Variants in KHDRBS2 observed in about 807,000 individuals in gnomAD.
The protein encoded by KHDRBS2 is KH domain-containing, RNA-binding, signal transduction-associated protein 2.
In KHDRBS2, 26 loss-of-function variants were observed where a neutral mutation model predicts 44.3. The observed-to-expected ratio is 0.59, with a 90% CI of 0.43 to 0.81. The LOEUF (loss-of-function observed/expected upper bound fraction) is 0.81, where lower values mean the gene tolerates loss of function less well. Ranked by LOEUF, KHDRBS2 falls within the 40% of genes least tolerant of loss-of-function variation. The pLI is 0.00. For missense variants in KHDRBS2, 476 were observed against 433.1 expected, an observed-to-expected ratio of 1.10 and a Z score of -0.88; for synonymous variants, 194 against 151.1, an observed-to-expected ratio of 1.28 and a Z score of -2.08.
chr6:62,035,359 G>C (rs1384849435), intron 3 of KHDRBS2, among the ~76,000 whole-genome samples: 1 of 151,992 alleles, frequency 6.6e-6, no homozygotes, highest in African/African-American at 2.4e-5. Flanking sequence ...GATGGAAATT[G>C]AGGTGATTAT....
chr6:62,224,666 CAG>C (rs1831467825), intron 1 of KHDRBS2, among the ~76,000 whole-genome samples: 1 of 152,148 alleles, frequency 6.6e-6, no homozygotes, highest in African/African-American at 2.4e-5. Flanking sequence ...AAAAAGGTAT[CAG>C]TCCAATCTAT....
chr6:62,039,073 A>G (rs1246646856), intron 3 of KHDRBS2, among the ~76,000 whole-genome samples: 1 of 152,058 alleles, frequency 6.6e-6, no homozygotes, highest in Non-Finnish European at 1.5e-5. Context: ...GCAAAGATAG[A>G]ATCCAGTATA....
At chr6:62,089,421 A>G (rs1252903381) in intron 2 of KHDRBS2, among the ~76,000 whole-genome samples, 1 of 152,130 alleles carries the variant, frequency 6.6e-6, no homozygotes, top group Admixed American at 6.5e-5. Flanking sequence ...AAAGTGTAGT[A>G]TCTGGGCAGG....
intron 3 of KHDRBS2, among the ~76,000 whole-genome samples, chr6:62,017,039 T>A (rs1377231962): frequency 6.6e-6 from 1 of 152,162 alleles, no homozygotes; most frequent in Non-Finnish European, 1.5e-5. Context: ...ATTAAATAAA[T>A]TTTTTCTCTC....
At chr6:61,588,013 G>A in the KHDRBS2 span, among the ~76,000 whole-genome samples, 3 of 152,162 alleles carry the variant, frequency 2.0e-5, no homozygotes, top group Non-Finnish European at 4.4e-5. Context: ...TTAATTGACA[G>A]ATATTTATGA....
At chr6:61,728,048 A>G (rs564132324) in intron 7 of KHDRBS2, among the ~76,000 whole-genome samples, 2 of 152,158 alleles carry the variant, frequency 1.3e-5, no homozygotes, top group African/African-American at 2.4e-5. Context: ...TGATTACCCA[A>G]CATGATAGAC....
At chr6:61,978,016 A>T in intron 4 of KHDRBS2, 50 bp downstream of exon 4, 1 of 1,477,468 alleles carries the variant, frequency 6.8e-7, no homozygotes, top group Non-Finnish European at 9.2e-7. Context: ...GGTGCATTTT[A>T]AAATAGAAGC....
At chr6:61,807,175 T>C (rs1787295175) in intron 6 of KHDRBS2, among the ~76,000 whole-genome samples, 1 of 152,028 alleles carries the variant, frequency 6.6e-6, no homozygotes, top group South Asian at 2.1e-4. Flanking sequence ...CAAAAAATCA[T>C]AGAGGCAGGT....
At chr6:61,790,504 A>G (rs1334460685) in intron 6 of KHDRBS2, among the ~76,000 whole-genome samples, 4 of 151,382 alleles carry the variant, frequency 2.6e-5, no homozygotes, top group African/African-American at 7.2e-5. Flanking sequence ...CTTTACCTGG[A>G]TGGTTTCACA....
At chr6:62,065,738 C>T (rs1228267325) in intron 2 of KHDRBS2, among the ~76,000 whole-genome samples, 11 of 148,074 alleles carry the variant, frequency 7.4e-5, no homozygotes, top group Non-Finnish European at 1.6e-4. Context: ...ACATATGTAA[C>T]TAACCTGCAC....
intron 6 of KHDRBS2, among the ~76,000 whole-genome samples, chr6:61,853,607 A>G (rs572138914): frequency 4.9e-4 from 75 of 152,348 alleles, no homozygotes; most frequent in African/African-American, 1.7e-3. Flanking sequence ...TTGACATGTC[A>G]TCTGAAGTAA....
At chr6:61,747,838 A>G (rs1039018357) in intron 6 of KHDRBS2, among the ~76,000 whole-genome samples, 1 of 152,200 alleles carries the variant, frequency 6.6e-6, no homozygotes, top group African/African-American at 2.4e-5. Context: ...TCATGACAGA[A>G]TTACCAATTT....
At chr6:61,586,199 A>T in the KHDRBS2 span, among the ~76,000 whole-genome samples, 11 of 152,212 alleles carry the variant, frequency 7.2e-5, no homozygotes, top group African/African-American at 2.7e-4. Context: ...ACAATAAAAA[A>T]GATCCTGCTG....
At chr6:61,617,478 G>A in the KHDRBS2 span, among the ~76,000 whole-genome samples, 1 of 152,076 alleles carries the variant, frequency 6.6e-6, no homozygotes, top group Non-Finnish European at 1.5e-5. Flanking sequence ...TGTTGCAGCA[G>A]TGCTTTATAA....
At chr6:61,642,992 A>G in the KHDRBS2 span, among the ~76,000 whole-genome samples, 1 of 152,194 alleles carries the variant, frequency 6.6e-6, no homozygotes, top group Admixed American at 6.5e-5. Flanking sequence ...TTTAAAAATT[A>G]TTTGGGAGAT....
At chr6:61,949,621 T>C (rs1489823417) in intron 4 of KHDRBS2, among the ~76,000 whole-genome samples, 1 of 152,134 alleles carries the variant, frequency 6.6e-6, no homozygotes, top group African/African-American at 2.4e-5. Context: ...TTTTTATACA[T>C]GACATACTAG....
At chr6:62,072,827 C>A (rs1562791645) in intron 2 of KHDRBS2, among the ~76,000 whole-genome samples, 2 of 152,058 alleles carry the variant, frequency 1.3e-5, no homozygotes, top group Admixed American at 6.6e-5. Context: ...CTCTGCCAGG[C>A]TTTGGTATCA....
At chr6:61,864,333 A>AT (rs373582987) in intron 6 of KHDRBS2, among the ~76,000 whole-genome samples, 1 of 152,076 alleles carries the variant, frequency 6.6e-6, no homozygotes, top group African/African-American at 2.4e-5. Flanking sequence ...CAAGGTGGTT[A>AT]TTTTTCAGAC....
intron 6 of KHDRBS2, among the ~76,000 whole-genome samples, chr6:61,796,973 C>T (rs1785453719): frequency 6.6e-6 from 1 of 152,004 alleles, no homozygotes; most frequent in African/African-American, 2.4e-5. Context: ...TTAAAATATA[C>T]AGAACAAATA....
Sources: allele counts gnomAD v4.1 joint callset (sites outside exome capture counted in the v4.1 genomes callset), GRCh38; gene constraint gnomAD v4.1.1; transcripts MANE v1.5; gene names NCBI Gene and HGNC (gene_info 2026-07-23, HGNC 2026-07-21).